The following CENPE variants were observed in gnomAD, a reference collection of about 807,000 sequenced individuals.
The protein encoded by CENPE is centromere-associated protein E.
CENPE carries 145 observed loss-of-function variants against 336.1 expected under a neutral mutation model. That is an observed-to-expected ratio of 0.43 (90% CI 0.38 to 0.50). The LOEUF (loss-of-function observed/expected upper bound fraction) is 0.50, where lower values mean the gene tolerates loss of function less well. Among genes scored for constraint, CENPE ranks in the 20% least tolerant of loss-of-function variants. The pLI, the probability that CENPE is intolerant of heterozygous loss-of-function variation, is 0.00. For synonymous variants in CENPE, 1,013 were observed against 984.8 expected (o/e 1.03, Z -0.54); for missense variants, 2,719 against 3,023.3 (o/e 0.90, Z 2.36).
chr4:103,117,547 C>T (rs1381045612), intron 44 of CENPE, among the ~76,000 whole-genome samples: 1 of 150,546 alleles, frequency 6.6e-6, no homozygotes, highest in African/African-American at 2.4e-5. Context: ...TACTTGAAAT[C>T]ATACAGTATG....
chr4:103,167,818 T>C (rs1243162795), intron 16 of CENPE, among the ~76,000 whole-genome samples: 1 of 152,158 alleles, frequency 6.6e-6, no homozygotes, highest in East Asian at 1.9e-4. Context: ...TGGCCTAGAG[T>C]CTGCAACCAA....
At chr4:103,196,997 C>T in intron 1 of CENPE, 147 bp from the exon 2 acceptor site, 1 of 638,706 alleles carries the variant, frequency 1.6e-6, no homozygotes, top group Non-Finnish European at 2.8e-6. Context: ...GGATTCAACT[C>T]TTAAATGGAG....
chr4:103,135,470 T>G (rs1751986468), intron 40 of CENPE, among the ~76,000 whole-genome samples: 1 of 152,150 alleles, frequency 6.6e-6, no homozygotes, highest in African/African-American at 2.4e-5. Context: ...CCATCTAAAC[T>G]TCTCTCCCTT....
intron 37 of CENPE, 84 bp from the exon 38 acceptor site, chr4:103,140,163 A>T: frequency 6.9e-7 from 1 of 1,440,658 alleles, no homozygotes; most frequent in Non-Finnish European, 9.4e-7. Context: ...CTATATGCAC[A>T]TATCTATCTA....
chr4:103,179,534 T>C (rs1241201135), intron 13 of CENPE, among the ~76,000 whole-genome samples: 1 of 152,234 alleles, frequency 6.6e-6, no homozygotes, highest in African/African-American at 2.4e-5. Context: ...TTGTCTTCTA[T>C]ATACCTCTGT....
chr4:103,170,895 A>G (rs1021242398), intron 16 of CENPE, among the ~76,000 whole-genome samples: 1 of 152,182 alleles, frequency 6.6e-6, no homozygotes, highest in Non-Finnish European at 1.5e-5. Context: ...CTATACTTAT[A>G]TCAGCTAAAA....
At position 103,176,908 on chromosome 4, in the gene CENPE, T is replaced by C; in HGVS notation, c.1381A>G (p.Ile461Val). 6.3e-7 allele frequency: 1 copy of C among 1,581,948 alleles called. No individual in the cohort carries two copies. The highest frequency in any genetic ancestry group is 2.2e-5 in the East Asian group (1 of 44,604). ...TGAAAAAAGCACTCACATTCATCAA[T>C]TTCTCGTAATAAATTTATAGAAAGC... ...HKLSINLLRE[I>V]DESVCSESDV... The change falls in exon 14 of 49, where the codon ATT (isoleucine) becomes GTT (valine). Residue 461 changes from isoleucine to valine, a missense_variant. Physicochemically the swap from Ile to Val is conservative, Grantham distance 29 (BLOSUM62 3). This residue lies in a region of CENPE where 2,437 missense variants were observed against 2,513.3 expected (regional missense o/e 0.97). Transcript: ENST00000265148.
intron 38 of CENPE, 33 bp downstream of exon 38, chr4:103,139,756 T>C (rs1241121724): frequency 2.0e-6 from 3 of 1,524,706 alleles, no homozygotes; most frequent in South Asian, 1.3e-5. Flanking sequence ...TTCTTATTAA[T>C]AGTTACTACA....
intron 44 of CENPE, among the ~76,000 whole-genome samples, chr4:103,117,191 A>G (rs1750204199): frequency 6.6e-6 from 1 of 152,220 alleles, no homozygotes; most frequent in Admixed American, 6.5e-5. Context: ...GTTTCCAGAA[A>G]AATGGAATGG....
In CENPE at chr4:103,122,735, A is replaced by G. The variant is rs1447351809; in HGVS notation, c.7143+136T>C. The G allele has an allele frequency of 4.7e-6, 3 of 637,742 alleles. No individual in the cohort carries two copies. The African/African-American group carries it at 5.5e-5, about 12-fold the overall frequency. 39.5% of individuals were successfully genotyped at this position (637,742 alleles called of 1,614,324 possible). A position where few individuals can be genotyped will look rare whatever the true frequency, so the allele number is the denominator to read the frequency against. ...TTAGTTGAACGATAGCCATAGTAGA[A>G]CTACTAGTAAAAATCAAGCCCATCA... On this transcript the variant is annotated intron_variant, in intron 43 of 48. Coordinates refer to ENST00000265148, the MANE Select transcript of CENPE (RefSeq NM_001813.3).
At chr4:103,195,418 T>C (rs1333155279) in intron 4 of CENPE, among the ~76,000 whole-genome samples, 185 bp from the exon 5 acceptor site, 1 of 152,046 alleles carries the variant, frequency 6.6e-6, no homozygotes, top group African/African-American at 2.4e-5. Context: ...TAATGAAAAG[T>C]GAAGTACCAT....
chr4:103,172,422 T>C (rs1755491717), intron 16 of CENPE, among the ~76,000 whole-genome samples: 1 of 151,836 alleles, frequency 6.6e-6, no homozygotes, highest in Non-Finnish European at 1.5e-5. Flanking sequence ...ATAAAAACTC[T>C]TAATTAGGTA....
chr4:103,134,518 C>A (rs1159493242), intron 40 of CENPE, among the ~76,000 whole-genome samples: 1 of 151,650 alleles, frequency 6.6e-6, no homozygotes, highest in Non-Finnish European at 1.5e-5. Context: ...CCTGTAGTCC[C>A]AGCTACTTGG....
In CENPE at chr4:103,198,339, C is replaced by T. The variant is rs1757904808; in HGVS notation, c.-20G>A. 6.4e-7 allele frequency: 1 copy of T among 1,550,860 alleles called. No homozygotes were observed. The highest frequency in any genetic ancestry group is 2.0e-5 in the Admixed American group (1 of 50,976). ...CGCCATCCTATCAGGCTGAACTGGT[C>T]CCAGGAAAATGGCCAGGACCCTCCG... On this transcript the variant is annotated 5_prime_UTR_variant, in exon 1 of 49. Transcript: ENST00000265148.
intron 44 of CENPE, among the ~76,000 whole-genome samples, chr4:103,117,287 A>G (rs544325070): frequency 5.9e-5 from 9 of 152,302 alleles, no homozygotes; most frequent in African/African-American, 1.7e-4. Context: ...TGCATTTGTT[A>G]TAAGTGATGA....
intron 9 of CENPE, among the ~76,000 whole-genome samples, chr4:103,183,882 A>G (rs1227652156): frequency 1.3e-5 from 2 of 152,148 alleles, no homozygotes; most frequent in Non-Finnish European, 2.9e-5. Context: ...CAGTCCATAC[A>G]TACTATTTTG....
In CENPE at chr4:103,112,605, TAA is replaced by T. The variant is rs554572434; in HGVS notation, c.7541-1596_7541-1595del. On this transcript the variant is annotated intron_variant, in intron 46 of 48. Coordinates refer to ENST00000265148, the MANE Select transcript of CENPE (RefSeq NM_001813.3). The stretch of plus-strand genomic sequence containing the variant: ...ATGTATACATACTTATAAGTATATA[TAA>T]GTCTGTATATATACTTGTAAGTATA... 5.0e-3 allele frequency among the ~76,000 whole-genome samples: 676 copies of T among 134,694 alleles called. 6 individuals are homozygous for T. Among genetic ancestry groups the T allele is most frequent in the African/African-American group, 0.018 (604 of 33,890 alleles). 88.4% of individuals were successfully genotyped at this position (134,694 alleles called of 152,430 possible). A position where few individuals can be genotyped will look rare whatever the true frequency, so the allele number is the denominator to read the frequency against.
chr4:103,127,012 T>A (rs534484345), intron 42 of CENPE, among the ~76,000 whole-genome samples: 118 of 146,584 alleles, frequency 8.0e-4, no homozygotes, highest in Non-Finnish European at 1.4e-3. Flanking sequence ...ATATTTGAAG[T>A]AATAACGACT....
chr4:103,141,773 A>C lies in CENPE; in HGVS notation c.5440T>G (p.Ser1814Ala). ...LSNMQKDLEN[S>A]NAKLQEKIQE... ...ACCTTTTCTTGTAATTTAGCATTTGAATTTTCTAAATCTTTTTGCATATTT... is the reference window on the plus strand; with the variant it reads ...ACCTTTTCTTGTAATTTAGCATTTGCATTTTCTAAATCTTTTTGCATATTT... The change falls in exon 35 of 49, where the codon TCA becomes GCA. Residue 1814 changes from serine (S) to alanine (A), a missense_variant. This residue lies in a region of CENPE where 2,437 missense variants were observed against 2,513.3 expected (regional missense o/e 0.97). Transcript: ENST00000265148. The C allele has an allele frequency of 1.3e-6, 2 of 1,536,490 alleles. No individual in the cohort carries two copies. Among genetic ancestry groups the C allele is most frequent in the Non-Finnish European group, 1.8e-6 (2 of 1,122,718 alleles).
Sources: allele counts gnomAD v4.1 joint callset (sites outside exome capture counted in the v4.1 genomes callset), GRCh38; gene constraint gnomAD v4.1.1; regional missense constraint gnomAD v4.1.1; transcripts MANE v1.5; gene names NCBI Gene and HGNC (gene_info 2026-07-23, HGNC 2026-07-21).